Variants in GRM1 observed in about 807,000 individuals in gnomAD.
GRM1 encodes the protein glutamate metabotropic receptor 1.
Under a neutral mutation model 90.9 loss-of-function variants are expected in GRM1, and 33 were observed. The observed-to-expected ratio is 0.36, with a 90% CI of 0.28 to 0.49. GRM1 has a LOEUF of 0.49. Ranked by LOEUF, GRM1 falls within the 20% of genes least tolerant of loss-of-function variation. GRM1 has a pLI of 0.99. For synonymous variants in GRM1, 700 were observed against 613.2 expected (o/e 1.14, Z -2.09); for missense variants, 1,190 against 1,534.3 (o/e 0.78, Z 3.75).
intron 5 of GRM1, among the ~76,000 whole-genome samples, chr6:146,382,627 T>C (rs759495686): frequency 9.9e-5 from 15 of 152,054 alleles, no homozygotes; most frequent in African/African-American, 1.4e-4. Context: ...CACAGACATA[T>C]GTAAGAAATT....
intron 1 of GRM1, among the ~76,000 whole-genome samples, chr6:146,095,264 C>A (rs932394005): frequency 1.3e-5 from 2 of 152,092 alleles, no homozygotes; most frequent in Non-Finnish European, 2.9e-5. Context: ...AGGGTGTACC[C>A]CACTGGCTCT....
At chr6:146,350,989 A>G (rs759998153) in intron 3 of GRM1, among the ~76,000 whole-genome samples, 2 of 152,178 alleles carry the variant, frequency 1.3e-5, no homozygotes, top group Non-Finnish European at 2.9e-5. Context: ...TTTTGACTAC[A>G]TCTAAATAGG....
chr6:146,345,180 TCA>T (rs1393967782), intron 3 of GRM1, among the ~76,000 whole-genome samples: 1 of 152,232 alleles, frequency 6.6e-6, no homozygotes, highest in Non-Finnish European at 1.5e-5. Context: ...TATATTTAAA[TCA>T]CAAAGTCTGT....
rs1782094657 is a variant in GRM1 at position 146,270,848 on chromosome 6, T to TTTTTCTTTCTTTCTTTCTTTCTTTC, written c.951-33759_951-33735dup. 1.5e-4 allele frequency among the ~76,000 whole-genome samples: 21 copies of TTTTTCTTTCTTTCTTTCTTTCTTTC among 136,222 alleles called. 1 individual carries two copies. The highest frequency in any genetic ancestry group is 6.1e-4 in the African/African-American group (20 of 32,974). 89.4% of individuals were successfully genotyped at this position (136,222 alleles called of 152,430 possible). A position where few individuals can be genotyped will look rare whatever the true frequency, so the allele number is the denominator to read the frequency against. On this transcript the variant is annotated intron_variant, in intron 2 of 7. Transcript: ENST00000282753. ...CTGCCTGCCTGCCTGCCTTTCTTTC[T>TTTTTCTTTCTTTCTTTCTTTCTTTC]TTTTCTTTCTTTCTTTCTTTCTTTC...
intron 2 of GRM1, among the ~76,000 whole-genome samples, chr6:146,287,826 A>T (rs753806948): frequency 2.0e-5 from 3 of 152,350 alleles, no homozygotes. Context: ...TTTGGAAATG[A>T]TGAGGGGGAG....
chr6:146,081,193 T>C (rs1776353470), intron 1 of GRM1, among the ~76,000 whole-genome samples: 1 of 152,104 alleles, frequency 6.6e-6, no homozygotes. Context: ...GGTGGGAGAA[T>C]GAAAAAGCAA....
At chr6:146,304,083 A>G (rs1783488849) in intron 2 of GRM1, among the ~76,000 whole-genome samples, 1 of 152,186 alleles carries the variant, frequency 6.6e-6, no homozygotes. Context: ...GGCTACTTCT[A>G]TGGGAGGCAG....
chr6:146,231,957 C>T lies in GRM1; in HGVS notation c.950+72360C>T, dbSNP rs116147148. 8.9e-3 allele frequency among the ~76,000 whole-genome samples: 1,355 copies of T among 152,132 alleles called. 20 individuals carry two copies. The highest frequency in any genetic ancestry group is 0.03 in the African/African-American group (1,251 of 41,540). On this transcript the variant is annotated intron_variant, in intron 2 of 7. Coordinates refer to ENST00000282753, the MANE Select transcript of GRM1 (RefSeq NM_001278064.2). ...GTGAATCAGGGAGTGCTGTCTCCTC[C>T]ACTACATTCTGGGAAAGTTAGTGTA...
chr6:146,044,509 G>A (rs987102015), intron 1 of GRM1, among the ~76,000 whole-genome samples: 4 of 151,890 alleles, frequency 2.6e-5, no homozygotes, highest in Non-Finnish European at 4.4e-5. Context: ...TTGGGAAACC[G>A]AGCTTGATAT....
intron 1 of GRM1, among the ~76,000 whole-genome samples, chr6:146,147,477 C>T (rs142886188): frequency 1.3e-5 from 2 of 152,096 alleles, no homozygotes; most frequent in Non-Finnish European, 2.9e-5. Flanking sequence ...ATTATACCAC[C>T]GTTTTAGGAT....
At chr6:146,402,727 G>T (rs536358585) in intron 7 of GRM1, among the ~76,000 whole-genome samples, 2 of 152,124 alleles carry the variant, frequency 1.3e-5, no homozygotes, top group African/African-American at 2.4e-5. Context: ...CAAGTCCAAC[G>T]GCATTCTCAT....
At chr6:146,110,479 T>A (rs1775515127) in intron 1 of GRM1, among the ~76,000 whole-genome samples, 1 of 152,152 alleles carries the variant, frequency 6.6e-6, no homozygotes, top group South Asian at 2.1e-4. Flanking sequence ...ACCTCCTTCT[T>A]TTGTACATTG....
At position 146,049,550 on chromosome 6, in the gene GRM1, C is replaced by A. The variant is rs565266119; in HGVS notation, c.700+19333C>A. On this transcript the variant is annotated intron_variant, in intron 1 of 7. Coordinates refer to ENST00000282753, the MANE Select transcript of GRM1 (RefSeq NM_001278064.2). Reference sequence around the variant, plus strand: ...AGGCCTTTGGACTTAGACTGAGTCACATCACTGGCTTCCTTGGTTCTCCAG... The same window carrying A: ...AGGCCTTTGGACTTAGACTGAGTCAAATCACTGGCTTCCTTGGTTCTCCAG... Among the ~76,000 whole-genome samples, 3 of 152,076 alleles carry A rather than the reference C, an allele frequency of 2.0e-5. No homozygotes were observed. In the South Asian group the frequency reaches 6.2e-4, roughly 32 times the overall value.
chr6:146,270,897 CT>C (rs1280512523), intron 2 of GRM1, among the ~76,000 whole-genome samples: 172 of 113,814 alleles, frequency 1.5e-3, no homozygotes, highest in African/African-American at 6.5e-3. Context: ...TTCTTTCTTT[CT>C]TTCTTTCTTT....
At chr6:146,421,112 C>A (rs1397404454) in intron 7 of GRM1, among the ~76,000 whole-genome samples, 1 of 151,876 alleles carries the variant, frequency 6.6e-6, no homozygotes, top group Non-Finnish European at 1.5e-5. Flanking sequence ...CTTTGCAAAG[C>A]AATTTGGTAA....
At chr6:146,054,817 TC>T (rs947252164) in intron 1 of GRM1, among the ~76,000 whole-genome samples, 2 of 152,068 alleles carry the variant, frequency 1.3e-5, no homozygotes, top group East Asian at 1.9e-4. Context: ...GTATAATTTT[TC>T]CCCAGAGGAA....
chr6:146,100,088 T>C (rs1777001133), intron 1 of GRM1, among the ~76,000 whole-genome samples: 1 of 152,236 alleles, frequency 6.6e-6, no homozygotes, highest in Non-Finnish European at 1.5e-5. Flanking sequence ...TAACTCATTT[T>C]GTTTAATTTC....
chr6:146,210,175 G>A (rs1779642495), intron 2 of GRM1, among the ~76,000 whole-genome samples: 1 of 152,134 alleles, frequency 6.6e-6, no homozygotes, highest in Non-Finnish European at 1.5e-5. Flanking sequence ...AAAGGAAGGA[G>A]TTGAGAAGCA....
At chr6:146,279,862 A>G (rs1418313636) in intron 2 of GRM1, among the ~76,000 whole-genome samples, 1 of 152,016 alleles carries the variant, frequency 6.6e-6, no homozygotes, top group East Asian at 1.9e-4. Flanking sequence ...TTTCTATGAC[A>G]AGGGCGTGAT....
Sources: gnomAD v4.1 joint callset for allele counts (sites outside exome capture counted in the v4.1 genomes callset) on GRCh38, gnomAD v4.1.1 for gene constraint, MANE v1.5 for transcripts, NCBI Gene and HGNC (gene_info 2026-07-23, HGNC 2026-07-21) for gene names.